APLP2: variants seen among roughly 807,000 people sequenced by gnomAD.
The protein encoded by APLP2 is amyloid beta precursor like protein 2, also known as CDEI box-binding protein.
Under a neutral mutation model 89.9 loss-of-function variants are expected in APLP2, and 53 were observed. That is an observed-to-expected ratio of 0.59 (90% CI 0.47 to 0.74). The LOEUF (loss-of-function observed/expected upper bound fraction) is 0.74. Among genes scored for constraint, APLP2 ranks in the 30% least tolerant of loss-of-function variants. APLP2 has a pLI of 0.00. For missense variants in APLP2, 973 were observed against 975.9 expected, an observed-to-expected ratio of 1.00 and a Z score of 0.04; for synonymous variants, 372 against 348.6, an observed-to-expected ratio of 1.07 and a Z score of -0.75.
At chr11:130,078,655 G>A (rs1321099284) in intron 1 of APLP2, among the ~76,000 whole-genome samples, 1 of 152,066 alleles carries the variant, frequency 6.6e-6, no homozygotes, top group African/African-American at 2.4e-5. Flanking sequence ...GTGAAGTTAA[G>A]GGCCATTTCA....
In APLP2 at chr11:130,069,931, C is replaced by A. The variant is rs80070284; in HGVS notation, c.-47C>A. 7.9e-6 allele frequency: 11 copies of A among 1,387,276 alleles called. No homozygotes were observed. In the Admixed American group the frequency reaches 8.7e-5, roughly 11 times the overall value. 85.9% of individuals were successfully genotyped at this position (1,387,276 alleles called of 1,614,324 possible). A position where few individuals can be genotyped will look rare whatever the true frequency, so the allele number is the denominator to read the frequency against. On this transcript the variant is annotated 5_prime_UTR_variant, in exon 1 of 17. Coordinates refer to ENST00000338167, the MANE Select transcript of APLP2 (RefSeq NM_001142276.2). ...GTCGCGGTGTGCTAAGCGAGGAGTCCGAGTGTGTGAGCTTGAGAGCCGCGC... is the reference window on the plus strand; with the variant it reads ...GTCGCGGTGTGCTAAGCGAGGAGTCAGAGTGTGTGAGCTTGAGAGCCGCGC...
intron 3 of APLP2, 142 bp downstream of exon 3, chr11:130,110,803 G>A: frequency 8.9e-7 from 1 of 1,121,558 alleles, no homozygotes; most frequent in South Asian, 1.7e-5. Flanking sequence ...TTCTCTTAGG[G>A]GTGTTTGCTG....
rs75387975 is a variant in APLP2, at chr11:130,112,172, C to T, written c.403+1511C>T. 6.4e-4 allele frequency among the ~76,000 whole-genome samples: 98 copies of T among 152,272 alleles called. 1 individual carries two copies. The East Asian group carries it at 0.014, about 22-fold the overall frequency. ...TTGAAGCAAAACTCACAGGGCATTC[C>T]GGGATGTTTCTGATTTTTCAAGGGA... On this transcript the variant is annotated intron_variant, in intron 3 of 16. Transcript: ENST00000338167.
intron 7 of APLP2, among the ~76,000 whole-genome samples, chr11:130,125,424 G>C (rs535370993): frequency 6.6e-6 from 1 of 152,284 alleles, no homozygotes; most frequent in South Asian, 2.1e-4. Flanking sequence ...CACTGAACTT[G>C]CGAGTGTCTT....
intron 1 of APLP2, among the ~76,000 whole-genome samples, chr11:130,071,541 A>G (rs1261056322): frequency 6.6e-6 from 1 of 152,200 alleles, no homozygotes; most frequent in African/African-American, 2.4e-5. Context: ...GGAAGATGGG[A>G]CTTCACTAGT....
At chr11:130,130,481 G>A (rs923288004) in intron 11 of APLP2, among the ~76,000 whole-genome samples, 3 of 152,128 alleles carry the variant, frequency 2.0e-5, no homozygotes, top group African/African-American at 7.2e-5. Context: ...TATTTATCAA[G>A]CAGATCTTAA....
At chr11:130,080,420 G>T (rs112079910) in intron 1 of APLP2, among the ~76,000 whole-genome samples, 1 of 152,020 alleles carries the variant, frequency 6.6e-6, no homozygotes, top group Non-Finnish European at 1.5e-5. Flanking sequence ...GGCCAGGCTG[G>T]TCTCAAACTC....
At chr11:130,143,164 G>C (rs1952629730) in intron 16 of APLP2, among the ~76,000 whole-genome samples, 183 bp from the exon 17 acceptor site, 1 of 152,152 alleles carries the variant, frequency 6.6e-6, no homozygotes, top group Non-Finnish European at 1.5e-5. Flanking sequence ...TTGCCTCTTT[G>C]ATCCCCTTAT....
At chr11:130,097,143 G>A (rs557475131) in intron 1 of APLP2, among the ~76,000 whole-genome samples, 5 of 152,212 alleles carry the variant, frequency 3.3e-5, no homozygotes, top group African/African-American at 9.6e-5. Context: ...GAGCACTTTC[G>A]TATTTTTGTT....
At chr11:130,125,425 C>G (rs1237248117) in intron 7 of APLP2, among the ~76,000 whole-genome samples, 2 of 152,122 alleles carry the variant, frequency 1.3e-5, no homozygotes, top group African/African-American at 2.4e-5. Context: ...ACTGAACTTG[C>G]GAGTGTCTTG....
At chr11:130,101,657 G>A (rs1360156723) in intron 1 of APLP2, 2 of 174,632 alleles carry the variant, frequency 1.1e-5, no homozygotes, top group African/African-American at 2.4e-5. Context: ...CAAAAACACT[G>A]TATTTTGAAC....
rs138974040 is a variant in APLP2 at position 130,119,395 on chromosome 11, G to A, written c.404-1311G>A. On this transcript the variant is annotated intron_variant, in intron 3 of 16. Transcript: ENST00000338167. The stretch of plus-strand genomic sequence containing the variant: ...TGGGGTGATCATCCAGTGATGTGTT[G>A]TATATTTCTAACTTTTTATTGTGGC... 2.5e-3 allele frequency among the ~76,000 whole-genome samples: 384 copies of A among 152,248 alleles called. 3 individuals are homozygous for A. The highest frequency in any genetic ancestry group is 8.8e-3 in the African/African-American group (366 of 41,544).
intron 11 of APLP2, among the ~76,000 whole-genome samples, chr11:130,130,990 C>G (rs1368432805): frequency 6.6e-6 from 1 of 152,214 alleles, no homozygotes; most frequent in African/African-American, 2.4e-5. Context: ...TGTCTCAGTG[C>G]CAGACTCCAC....
In APLP2 at chr11:130,090,175, G is replaced by A. The variant is rs148717653; in HGVS notation, c.106-19254G>A. Among the ~76,000 whole-genome samples, 505 of 150,618 alleles carry A rather than the reference G, an allele frequency of 3.4e-3. 7 individuals carry two copies. Among genetic ancestry groups the A allele is most frequent in the African/African-American group, 0.012 (478 of 41,050 alleles). On this transcript the variant is annotated intron_variant, in intron 1 of 16. Transcript: ENST00000338167. Reference sequence around the variant, plus strand: ...ATACTTTCCCATCTCTAGTTTTCCAGTATATTCATAGTAGCTGTTGAATTG... The same window carrying A: ...ATACTTTCCCATCTCTAGTTTTCCAATATATTCATAGTAGCTGTTGAATTG...
In APLP2 at chr11:130,121,464, A is replaced by AT. The variant is rs149690787; in HGVS notation, c.517-141dup. On this transcript the variant is annotated intron_variant, in intron 4 of 16. Transcript: ENST00000338167. ...TAAATCTTACAATAATATTATTACA[A>AT]TTTTTTTTTGACAGAAAATGTATGT... 803 of 990,650 alleles carry AT rather than the reference A, an allele frequency of 8.1e-4. 4 individuals carry two copies. The highest frequency in any genetic ancestry group is 7.0e-3 in the East Asian group (233 of 33,408). The allele number at this position is 990,650 out of a possible 1,614,324, so 61.4% of individuals were successfully genotyped here. A position where few individuals can be genotyped will look rare whatever the true frequency, so the allele number is the denominator to read the frequency against.
intron 1 of APLP2, among the ~76,000 whole-genome samples, chr11:130,085,769 G>GA (rs1944016795): frequency 6.6e-6 from 1 of 152,132 alleles, no homozygotes; most frequent in African/African-American, 2.4e-5. Flanking sequence ...CCAGCCCCTG[G>GA]TGATCTATGA....
At chr11:130,108,321 G>A (rs1405581143) in intron 1 of APLP2, among the ~76,000 whole-genome samples, 2 of 152,140 alleles carry the variant, frequency 1.3e-5, no homozygotes, top group Non-Finnish European at 2.9e-5. Flanking sequence ...CTGACAAAGG[G>A]CTAATATCCA....
chr11:130,096,698 A>C (rs1337478371), intron 1 of APLP2, among the ~76,000 whole-genome samples: 1 of 152,190 alleles, frequency 6.6e-6, no homozygotes, highest in African/African-American at 2.4e-5. Context: ...AGCCTGGGTG[A>C]CAGAGCAAGA....
chr11:130,072,029 A>AATCCCTG (rs1484655153), intron 1 of APLP2, among the ~76,000 whole-genome samples: 1 of 152,216 alleles, frequency 6.6e-6, no homozygotes, highest in Admixed American at 6.5e-5. Context: ...ATTCTGGCCA[A>AATCCCTG]ATCCCTGATC....
Sources: gnomAD v4.1 joint callset for allele counts (sites outside exome capture counted in the v4.1 genomes callset) on GRCh38, gnomAD v4.1.1 for gene constraint, MANE v1.5 for transcripts, NCBI Gene and HGNC (gene_info 2026-07-23, HGNC 2026-07-21) for gene names.